Variants in DYNC2H1 observed in about 807,000 individuals in gnomAD.
DYNC2H1 encodes the protein cytoplasmic dynein 2 heavy chain 1.
Under a neutral mutation model 570.0 loss-of-function variants are expected in DYNC2H1, and 410 were observed. That is an observed-to-expected ratio of 0.72 (90% CI 0.66 to 0.78). DYNC2H1 has a LOEUF of 0.78. Among genes scored for constraint, DYNC2H1 ranks in the 30% least tolerant of loss-of-function variants. The probability of loss-of-function intolerance (pLI) is 0.00; values close to 1 mark genes in which losing one functional copy is unlikely to be tolerated. For synonymous variants in DYNC2H1, 1,688 were observed against 1,677.6 expected (o/e 1.01, Z -0.15); for missense variants, 4,865 against 5,046.4 (o/e 0.96, Z 1.09).
At chr11:103,136,084 G>A (rs1057040073) in intron 17 of DYNC2H1, 136 bp downstream of exon 17, 58 of 680,524 alleles carry the variant, frequency 8.5e-5, no homozygotes, top group Non-Finnish European at 1.2e-4. Context: ...AGCTGGATTC[G>A]TAGATACTTA....
At position 103,173,468 on chromosome 11, in the gene DYNC2H1, C is replaced by T. The variant is rs190229282; in HGVS notation, c.5558+163C>T. Among the ~76,000 whole-genome samples, 319 of 152,138 alleles carry T rather than the reference C, an allele frequency of 2.1e-3. 1 individual carries two copies. The highest frequency in any genetic ancestry group is 7.2e-3 in the African/African-American group (299 of 41,540). On this transcript the variant is annotated intron_variant, in intron 35 of 88. Transcript: ENST00000375735. Reference sequence around the variant, plus strand: ...TAGCTATGAAAGGCTTTAGCATGCACATAAAAATATTGGTTCAAAACTACT... The same window carrying T: ...TAGCTATGAAAGGCTTTAGCATGCATATAAAAATATTGGTTCAAAACTACT...
At chr11:103,308,021 AT>A (rs2135406766) in intron 78 of DYNC2H1, among the ~76,000 whole-genome samples, 190 bp downstream of exon 78, 1 of 152,342 alleles carries the variant, frequency 6.6e-6, no homozygotes, top group South Asian at 2.1e-4. Context: ...TTTCATACTT[AT>A]GTTTTTTGTT....
chr11:103,371,460 A>AATACCAAGCAGATTTAATTGAAAGAAGT, intron 83 of DYNC2H1, among the ~76,000 whole-genome samples: 1 of 152,306 alleles, frequency 6.6e-6, no homozygotes, highest in South Asian at 2.1e-4. Flanking sequence ...AAGGTTGTAG[A>AATACCAAGCAGATTTAATTGAAAGAAGT]ATACCAAGCA....
In DYNC2H1 at chr11:103,147,312, C is replaced by T. The variant is rs1260784230; in HGVS notation, c.2703-460C>T. Among the ~76,000 whole-genome samples, 5 of 151,848 alleles carry T rather than the reference C, an allele frequency of 3.3e-5. No individual in the cohort carries two copies. The South Asian group carries it at 1.0e-3, about 32-fold the overall frequency. ...TGATAAGTGTAAAATGGTGTCTTAT[C>T]GTTTTATTGTTTTAGTGCTTTAATA... On this transcript the variant is annotated intron_variant, in intron 18 of 88. Transcript: ENST00000375735.
intron 52 of DYNC2H1, among the ~76,000 whole-genome samples, chr11:103,207,085 C>A (rs1242703425): frequency 6.6e-6 from 1 of 151,968 alleles, no homozygotes; most frequent in African/African-American, 2.4e-5. Flanking sequence ...CCATACCTGG[C>A]TAATTTTTGT....
intron 18 of DYNC2H1, among the ~76,000 whole-genome samples, chr11:103,144,017 A>G (rs1034648523): frequency 6.6e-6 from 1 of 152,254 alleles, no homozygotes; most frequent in South Asian, 2.1e-4. Context: ...ATAAATACTT[A>G]GTGCACATTT....
Position 103,174,125 on chromosome 11 carries a change from G to A in DYNC2H1, c.5629G>A (p.Gly1877Arg). ...TTTGAAGACAGTTCTGAGAGGAAGT[G>A]GAAATCTCCTTAGACAGCTAAACAA... Reference protein sequence around the residue: ...RALKTVLRGSGNLLRQLNKSG... With the variant: ...RALKTVLRGSRNLLRQLNKSG... Residue 1877 changes from glycine (G) to arginine (R), a missense_variant, in exon 36 of 89, where the codon GGA becomes AGA. Physicochemically the swap from Gly to Arg is moderately radical, Grantham distance 125. This residue lies in a region of DYNC2H1 where 292 missense variants were observed against 300.2 expected (regional missense o/e 0.97). Transcript: ENST00000375735. The A allele has an allele frequency of 6.3e-7, 1 of 1,588,944 alleles. No homozygotes were observed. The highest frequency in any genetic ancestry group is 8.6e-7 in the Non-Finnish European group (1 of 1,166,262).
At chr11:103,376,475 T>C (rs1157697494) in intron 83 of DYNC2H1, among the ~76,000 whole-genome samples, 1 of 152,240 alleles carries the variant, frequency 6.6e-6, no homozygotes, top group African/African-American at 2.4e-5. Context: ...GTATTTGTTG[T>C]AATTTCTTTC....
rs147371906 is a variant in DYNC2H1 at position 103,293,852 on chromosome 11, G to A, written c.11095+6247G>A. 2.9e-4 allele frequency among the ~76,000 whole-genome samples: 44 copies of A among 152,120 alleles called. No homozygotes were observed. The East Asian group carries it at 4.3e-3, about 15-fold the overall frequency. Reference sequence around the variant, plus strand: ...AGCACTTTGGGAGGCCGAGTTGGGCGGATCACTTGAGGTCAGGAATTCAAC... The same window carrying A: ...AGCACTTTGGGAGGCCGAGTTGGGCAGATCACTTGAGGTCAGGAATTCAAC... On this transcript the variant is annotated intron_variant, in intron 75 of 88. Coordinates refer to ENST00000375735, the MANE Select transcript of DYNC2H1 (RefSeq NM_001377.3).
intron 75 of DYNC2H1, among the ~76,000 whole-genome samples, chr11:103,292,006 A>G (rs746064732): frequency 1.3e-5 from 2 of 152,102 alleles, no homozygotes; most frequent in Non-Finnish European, 2.9e-5. Flanking sequence ...TAATCTATTC[A>G]ACCACTGTTT....
intron 82 of DYNC2H1, among the ~76,000 whole-genome samples, chr11:103,347,107 AT>A (rs1939780426): frequency 6.6e-6 from 1 of 152,232 alleles, no homozygotes; most frequent in African/African-American, 2.4e-5. Flanking sequence ...CTAATTTACC[AT>A]TAACAGGAAA....
At chr11:103,258,067 A>G (rs1481500935) in intron 69 of DYNC2H1, among the ~76,000 whole-genome samples, 1 of 152,202 alleles carries the variant, frequency 6.6e-6, no homozygotes, top group African/African-American at 2.4e-5. Context: ...CTATAATATC[A>G]TTACCTGGGG....
At chr11:103,114,375 G>C (rs1304734686) in intron 3 of DYNC2H1, 137 bp downstream of exon 3, 1 of 989,302 alleles carries the variant, frequency 1.0e-6, no homozygotes, top group African/African-American at 1.7e-5. Context: ...AAAATGAGTA[G>C]ATTTATGTGG....
intron 82 of DYNC2H1, among the ~76,000 whole-genome samples, chr11:103,339,803 C>G (rs1241394145): frequency 6.6e-6 from 1 of 152,206 alleles, no homozygotes; most frequent in Non-Finnish European, 1.5e-5. Flanking sequence ...CACTTTATTC[C>G]ATAGTTGCTG....
chr11:103,247,870 A>G (rs939962055), intron 65 of DYNC2H1, among the ~76,000 whole-genome samples: 3 of 152,000 alleles, frequency 2.0e-5, no homozygotes, highest in Non-Finnish European at 4.4e-5. Context: ...TATCTGTAAG[A>G]TTATTTGTAG....
intron 52 of DYNC2H1, among the ~76,000 whole-genome samples, chr11:103,208,346 GCAC>G (rs767102593): frequency 2.6e-5 from 4 of 152,172 alleles, no homozygotes; most frequent in Non-Finnish European, 2.9e-5. Flanking sequence ...GTAGATGCCT[GCAC>G]CATGGAGGGT....
At chr11:103,173,392 A>G (rs1861656115) in intron 35 of DYNC2H1, 87 bp downstream of exon 35, 3 of 916,762 alleles carry the variant, frequency 3.3e-6, no homozygotes, top group African/African-American at 1.8e-5. Flanking sequence ...TATTTTCTCA[A>G]TTCACCTATT....
chr11:103,357,806 T>G (rs1388503678), intron 82 of DYNC2H1, among the ~76,000 whole-genome samples: 2 of 151,710 alleles, frequency 1.3e-5, no homozygotes, highest in African/African-American at 4.8e-5. Context: ...TAAAATTAGC[T>G]GGGCATGGTG....
intron 36 of DYNC2H1, 131 bp from the exon 37 acceptor site, chr11:103,176,104 A>G: frequency 1.6e-6 from 1 of 619,824 alleles, no homozygotes; most frequent in Non-Finnish European, 2.5e-6. Flanking sequence ...ATGTGATGTA[A>G]TGTCTTTAAA....
Sources: allele counts gnomAD v4.1 joint callset (sites outside exome capture counted in the v4.1 genomes callset), GRCh38; gene constraint gnomAD v4.1.1; regional missense constraint gnomAD v4.1.1; transcripts MANE v1.5; gene names NCBI Gene and HGNC (gene_info 2026-07-23, HGNC 2026-07-21).